STMN2: variants seen among roughly 807,000 people sequenced by gnomAD.
STMN2 encodes stathmin-2.
A neutral mutation model predicts 24.1 loss-of-function variants in STMN2; 2 were observed. The observed-to-expected ratio is 0.08, with a 90% CI of 0.03 to 0.26. The LOEUF (loss-of-function observed/expected upper bound fraction) is 0.26. Ranked by LOEUF, STMN2 falls within the 10% of genes least tolerant of loss-of-function variation. The pLI is 1.00. For missense variants in STMN2, 114 were observed against 213.6 expected, an observed-to-expected ratio of 0.53 and a Z score of 2.91; for synonymous variants, 83 against 77.5, an observed-to-expected ratio of 1.07 and a Z score of -0.37.
chr8:79,613,455 C>T, intron 1 of STMN2: 1 of 985,496 alleles, frequency 1.0e-6, no homozygotes, highest in South Asian at 4.7e-5. Context: ...GAGCTACCCC[C>T]GCTTTCCACA....
intron 2 of STMN2, among the ~76,000 whole-genome samples, chr8:79,638,709 A>G (rs992044699): frequency 1.3e-5 from 2 of 152,124 alleles, no homozygotes; most frequent in Non-Finnish European, 1.5e-5. Flanking sequence ...TTTTATTTCC[A>G]TCTTTTAAAT....
chr8:79,636,762 G>GA lies in STMN2; in HGVS notation c.20-34dup, dbSNP rs776248994. ...AAAGGAAGCAGTAAAGAGAAATTCA[G>GA]AAAAAATGAAATATACTAATCTTCA... On this transcript the variant is annotated intron_variant, in intron 1 of 4. Transcript: ENST00000220876. The GA allele has an allele frequency of 2.6e-5, 41 of 1,584,994 alleles. 1 individual carries two copies. Among genetic ancestry groups the GA allele is most frequent in the South Asian group, 5.6e-5 (5 of 89,408 alleles).
At chr8:79,627,770 C>G (rs1010099690) in intron 1 of STMN2, among the ~76,000 whole-genome samples, 2 of 152,160 alleles carry the variant, frequency 1.3e-5, no homozygotes, top group African/African-American at 4.8e-5. Flanking sequence ...CAATATCTCT[C>G]CATTCTCCCA....
rs557250575 is a variant in STMN2, at chr8:79,656,526, G to T, written c.480+1464G>T. Among the ~76,000 whole-genome samples the T allele has an allele frequency of 3.3e-5, 5 of 152,264 alleles. No individual in the cohort carries two copies. In the East Asian group the frequency reaches 9.6e-4, roughly 29 times the overall value. On this transcript the variant is annotated intron_variant, in intron 4 of 4. Coordinates refer to ENST00000220876, the MANE Select transcript of STMN2 (RefSeq NM_007029.4). ...TTTTACTCAGATACAGGGGAGCAAAGTTCCATTTGCTAAAGTTTACTCCCC... is the reference window on the plus strand; with the variant it reads ...TTTTACTCAGATACAGGGGAGCAAATTTCCATTTGCTAAAGTTTACTCCCC...
chr8:79,639,025 A>T (rs1398523117), intron 2 of STMN2, among the ~76,000 whole-genome samples: 1 of 152,198 alleles, frequency 6.6e-6, no homozygotes, highest in Non-Finnish European at 1.5e-5. Context: ...CATCATTTCC[A>T]ATATAGTTAT....
intron 1 of STMN2, among the ~76,000 whole-genome samples, chr8:79,612,296 T>C (rs1252686601): frequency 6.6e-6 from 1 of 152,234 alleles, no homozygotes; most frequent in African/African-American, 2.4e-5. Context: ...GGTTAACATT[T>C]TTCTTTTCGG....
intron 1 of STMN2, among the ~76,000 whole-genome samples, chr8:79,618,105 G>A (rs1809425471): frequency 6.6e-6 from 1 of 152,224 alleles, no homozygotes; most frequent in African/African-American, 2.4e-5. Flanking sequence ...CATTGCAGAG[G>A]TCACACCTGT....
At chr8:79,654,602 A>G (rs1359474629) in intron 3 of STMN2, among the ~76,000 whole-genome samples, 1 of 152,148 alleles carries the variant, frequency 6.6e-6, no homozygotes, top group Non-Finnish European at 1.5e-5. Flanking sequence ...TTTTAAAAAA[A>G]TTTGTAACTC....
intron 2 of STMN2, among the ~76,000 whole-genome samples, chr8:79,637,485 AT>A (rs1196679702): frequency 6.6e-6 from 1 of 152,232 alleles, no homozygotes; most frequent in African/African-American, 2.4e-5. Context: ...GGTTTGATTT[AT>A]CCTGATTCAT....
At chr8:79,616,898 CGA>C (rs141543143) in intron 1 of STMN2, among the ~76,000 whole-genome samples, 4 of 151,370 alleles carry the variant, frequency 2.6e-5, no homozygotes, top group African/African-American at 7.3e-5. Context: ...TGCGTGTGTG[CGA>C]GAGAGAGAGA....
intron 3 of STMN2, among the ~76,000 whole-genome samples, chr8:79,647,066 A>G (rs1242869218): frequency 6.6e-6 from 1 of 152,136 alleles, no homozygotes; most frequent in Non-Finnish European, 1.5e-5. Context: ...ACTTTTCAAA[A>G]ATACATACAT....
chr8:79,644,424 AT>A (rs778472674), intron 3 of STMN2, among the ~76,000 whole-genome samples: 6 of 152,206 alleles, frequency 3.9e-5, no homozygotes, highest in Non-Finnish European at 7.3e-5. Context: ...CTTTTTCCCA[AT>A]AGTTTAACAA....
At chr8:79,664,554 A>C (rs1475960316) in intron 4 of STMN2, among the ~76,000 whole-genome samples, 2 of 152,224 alleles carry the variant, frequency 1.3e-5, no homozygotes, top group African/African-American at 4.8e-5. Context: ...TCTGATCCTA[A>C]TATTCAAAAC....
intron 3 of STMN2, among the ~76,000 whole-genome samples, chr8:79,645,183 G>A (rs1056663608): frequency 6.6e-6 from 1 of 151,860 alleles, no homozygotes; most frequent in Non-Finnish European, 1.5e-5. Flanking sequence ...AATGTAATGG[G>A]AGCCATATGT....
intron 1 of STMN2, among the ~76,000 whole-genome samples, chr8:79,630,702 C>T (rs1206999311): frequency 6.6e-6 from 1 of 152,138 alleles, no homozygotes; most frequent in Admixed American, 6.6e-5. Flanking sequence ...TCATGGCAGC[C>T]TCAAATTGCT....
chr8:79,655,152 C>G, intron 4 of STMN2, 90 bp downstream of exon 4: 1 of 1,479,424 alleles, frequency 6.8e-7, no homozygotes, highest in East Asian at 2.4e-5. Flanking sequence ...GAGACGAAGT[C>G]AAAATTTGCT....
At chr8:79,649,493 A>G (rs907051383) in intron 3 of STMN2, among the ~76,000 whole-genome samples, 1 of 152,168 alleles carries the variant, frequency 6.6e-6, no homozygotes, top group Non-Finnish European at 1.5e-5. Context: ...TTCAATTGTC[A>G]TATTTCAACA....
chr8:79,628,314 C>A lies in STMN2; in HGVS notation c.20-8488C>A, dbSNP rs912695367. 3.3e-5 allele frequency among the ~76,000 whole-genome samples: 5 copies of A among 152,152 alleles called. No homozygotes were observed. The South Asian group carries it at 1.0e-3, about 32-fold the overall frequency. On this transcript the variant is annotated intron_variant, in intron 1 of 4. Coordinates refer to ENST00000220876, the MANE Select transcript of STMN2 (RefSeq NM_007029.4). ...GAGTAGCTGGGATTACAGGCACGCA[C>A]CACCATGCCCGGCTAATTTTTGTAT...
intron 1 of STMN2, among the ~76,000 whole-genome samples, chr8:79,628,347 A>G (rs1809711426): frequency 6.6e-6 from 1 of 151,922 alleles, no homozygotes; most frequent in Non-Finnish European, 1.5e-5. Flanking sequence ...TATGTTTAGT[A>G]GAGACGGGGT....
Sources: allele counts gnomAD v4.1 joint callset (sites outside exome capture counted in the v4.1 genomes callset), GRCh38; gene constraint gnomAD v4.1.1; transcripts MANE v1.5; gene names NCBI Gene and HGNC (gene_info 2026-07-23, HGNC 2026-07-21).